Variants in SGCD observed in about 807,000 individuals in gnomAD.
The protein encoded by SGCD is sarcoglycan delta.
A neutral mutation model predicts 36.6 loss-of-function variants in SGCD; 18 were observed. That is an observed-to-expected ratio of 0.49 (90% CI 0.34 to 0.73). The LOEUF (loss-of-function observed/expected upper bound fraction) is 0.73, where lower values mean the gene tolerates loss of function less well. SGCD is among the 30% of genes least tolerant of loss of function. SGCD has a pLI of 0.01. For synonymous variants in SGCD, 133 were observed against 130.6 expected (o/e 1.02, Z -0.12); for missense variants, 387 against 346.7 (o/e 1.12, Z -0.92).
chr5:155,826,857 T>C, the SGCD span, among the ~76,000 whole-genome samples: 396 of 152,302 alleles, frequency 2.6e-3, 1 homozygote, highest in African/African-American at 8.3e-3. Context: ...AGAATGCTAG[T>C]TTCCATGAAA....
intron 3 of SGCD, among the ~76,000 whole-genome samples, chr5:156,354,964 T>C (rs1769428758): frequency 6.6e-6 from 1 of 152,224 alleles, no homozygotes; most frequent in Non-Finnish European, 1.5e-5. Flanking sequence ...TTCAGAGTTG[T>C]TTGTAAATGA....
At chr5:156,517,247 T>C (rs1757216184) in intron 4 of SGCD, among the ~76,000 whole-genome samples, 1 of 152,080 alleles carries the variant, frequency 6.6e-6, no homozygotes, top group African/African-American at 2.4e-5. Context: ...TCTCAGAGCC[T>C]GAAGACTATC....
At chr5:155,871,246 T>G (rs1755650812) in intron 1 of SGCD, among the ~76,000 whole-genome samples, 1 of 152,176 alleles carries the variant, frequency 6.6e-6, no homozygotes. Context: ...CAAAAGGATT[T>G]TAATGTAATG....
intron 3 of SGCD, among the ~76,000 whole-genome samples, chr5:156,458,665 T>G (rs998352124): frequency 5.3e-5 from 8 of 152,190 alleles, no homozygotes; most frequent in African/African-American, 1.9e-4. Context: ...TTAAATGAGA[T>G]AGTCTATGTT....
chr5:156,586,735 T>C (rs866457542), intron 4 of SGCD, among the ~76,000 whole-genome samples: 13 of 152,230 alleles, frequency 8.5e-5, no homozygotes, highest in African/African-American at 2.7e-4. Flanking sequence ...CATATCCCTA[T>C]GATTGTAAGA....
chr5:156,482,785 A>G (rs2127840716), intron 3 of SGCD, among the ~76,000 whole-genome samples: 1 of 148,716 alleles, frequency 6.7e-6, no homozygotes, highest in East Asian at 2.0e-4. Context: ...ATAATGAGTT[A>G]GAGCAGGTAG....
chr5:156,102,025 T>C (rs1761532737), intron 1 of SGCD, among the ~76,000 whole-genome samples: 2 of 151,496 alleles, frequency 1.3e-5, no homozygotes, highest in South Asian at 4.2e-4. Context: ...TATGGACTCA[T>C]AGCATTTTTA....
chr5:156,447,923 C>T (rs1212520323), intron 3 of SGCD, among the ~76,000 whole-genome samples: 1 of 152,092 alleles, frequency 6.6e-6, no homozygotes, highest in Admixed American at 6.5e-5. Flanking sequence ...AGGTATAAAA[C>T]ACCTTTGTTA....
chr5:155,930,788 G>T (rs1457336558), intron 1 of SGCD, among the ~76,000 whole-genome samples: 1 of 152,042 alleles, frequency 6.6e-6, no homozygotes, highest in Non-Finnish European at 1.5e-5. Flanking sequence ...ATCAAACATT[G>T]TTCATACTTG....
chr5:156,459,520 G>A (rs1339280431), intron 3 of SGCD, among the ~76,000 whole-genome samples: 1 of 152,122 alleles, frequency 6.6e-6, no homozygotes, highest in Non-Finnish European at 1.5e-5. Context: ...CTCAGAAATA[G>A]CTCAGTGGCC....
intron 3 of SGCD, among the ~76,000 whole-genome samples, chr5:156,250,059 C>T (rs1458611163): frequency 1.3e-5 from 2 of 152,172 alleles, no homozygotes; most frequent in Admixed American, 6.5e-5. Flanking sequence ...TGTCTCTGGG[C>T]TCTCCTAGAT....
intron 1 of SGCD, among the ~76,000 whole-genome samples, chr5:156,107,517 G>T (rs1761677101): frequency 6.6e-6 from 1 of 151,988 alleles, no homozygotes; most frequent in Non-Finnish European, 1.5e-5. Context: ...TTCTAAATTA[G>T]ATTTTTACTA....
intron 3 of SGCD, among the ~76,000 whole-genome samples, chr5:156,197,048 A>T (rs1764039146): frequency 6.6e-6 from 1 of 152,188 alleles, no homozygotes; most frequent in Non-Finnish European, 1.5e-5. Flanking sequence ...GCCATTGCTT[A>T]TTTAAACAAT....
chr5:156,340,296 TTC>T (rs1250644027), intron 2 of SGCD, among the ~76,000 whole-genome samples: 16 of 152,224 alleles, frequency 1.1e-4, no homozygotes, highest in African/African-American at 3.6e-4. Context: ...TTTGACTAGC[TTC>T]TGTCTTTTCT....
At chr5:156,280,774 G>T (rs1210053559) in intron 3 of SGCD, among the ~76,000 whole-genome samples, 2 of 152,168 alleles carry the variant, frequency 1.3e-5, no homozygotes, top group Non-Finnish European at 2.9e-5. Context: ...GGGGAAATAA[G>T]AATTAAGAAT....
chr5:155,812,294 T>A, the SGCD span, among the ~76,000 whole-genome samples: 1 of 152,176 alleles, frequency 6.6e-6, no homozygotes, highest in African/African-American at 2.4e-5. Flanking sequence ...AACATCTGCT[T>A]TTCTGGGATA....
Position 156,286,718 on chromosome 5 carries a change from A to T in SGCD, c.-43-42816A>T, listed in dbSNP as rs185252732. ...GGGATAGCATTTGGAGATATATCTAATGTTACATGACAAGTTACTGGGTGC... is the reference window on the plus strand; with the variant it reads ...GGGATAGCATTTGGAGATATATCTATTGTTACATGACAAGTTACTGGGTGC... On this transcript the variant is annotated intron_variant, in intron 3 of 9. Coordinates refer to the SGCD transcript ENST00000517913. 4.2e-4 allele frequency among the ~76,000 whole-genome samples: 64 copies of T among 152,248 alleles called. 1 individual carries two copies. Among genetic ancestry groups the T allele is most frequent in the African/African-American group, 1.5e-3 (62 of 41,550 alleles).
intron 7 of SGCD, among the ~76,000 whole-genome samples, chr5:156,694,066 C>T (rs1754214783): frequency 6.6e-6 from 1 of 152,168 alleles, no homozygotes; most frequent in South Asian, 2.1e-4. Context: ...CTGGAGACAT[C>T]TGCAATTGCA....
At chr5:156,521,748 G>T (rs897477381) in intron 4 of SGCD, among the ~76,000 whole-genome samples, 14 of 152,130 alleles carry the variant, frequency 9.2e-5, no homozygotes, top group African/African-American at 3.4e-4. Flanking sequence ...CTGTTGGTGG[G>T]AATATAAATT....
Sources: gnomAD v4.1 joint callset for allele counts (sites outside exome capture counted in the v4.1 genomes callset) on GRCh38, gnomAD v4.1.1 for gene constraint, MANE v1.5 for transcripts, NCBI Gene and HGNC (gene_info 2026-07-23, HGNC 2026-07-21) for gene names.